The following ARID4B variants were observed in gnomAD, a reference collection of about 807,000 sequenced individuals.
ARID4B encodes AT-rich interactive domain-containing protein 4B.
ARID4B carries 26 observed loss-of-function variants against 147.5 expected under a neutral mutation model. The ratio of observed to expected loss-of-function variants is 0.18; its 90% confidence interval spans 0.13 to 0.24. The LOEUF (loss-of-function observed/expected upper bound fraction) is 0.24. Ranked by LOEUF, ARID4B falls within the 10% of genes least tolerant of loss-of-function variation. ARID4B has a pLI of 1.00. For synonymous variants in ARID4B, 512 were observed against 507.9 expected (o/e 1.01, Z -0.11); for missense variants, 1,179 against 1,511.5 (o/e 0.78, Z 3.65).
At chr1:235,304,858 C>A (rs1449304050) in intron 2 of ARID4B, among the ~76,000 whole-genome samples, 1 of 152,144 alleles carries the variant, frequency 6.6e-6, no homozygotes, top group East Asian at 1.9e-4. Flanking sequence ...CATAAAATTC[C>A]TTTGTGGTAA....
At chr1:235,174,005 C>T (rs747078980) in intron 22 of ARID4B, among the ~76,000 whole-genome samples, 2 of 150,750 alleles carry the variant, frequency 1.3e-5, no homozygotes, top group Non-Finnish European at 3.0e-5. Flanking sequence ...ACACCAGATA[C>T]TTTTAAATCA....
At chr1:235,237,979 T>TG (rs1306625617) in intron 8 of ARID4B, among the ~76,000 whole-genome samples, 1 of 151,766 alleles carries the variant, frequency 6.6e-6, no homozygotes, top group Non-Finnish European at 1.5e-5. Context: ...GGAGAAACGC[T>TG]GTCTCTACTA....
Position 235,229,872 on chromosome 1 carries a change from A to C in ARID4B, c.743-487T>G, listed in dbSNP as rs774847314. Among the ~76,000 whole-genome samples, 29 of 152,376 alleles carry C rather than the reference A, an allele frequency of 1.9e-4. 1 individual carries two copies. Among genetic ancestry groups the C allele is most frequent in the South Asian group, 1.7e-3 (8 of 4,828 alleles). On this transcript the variant is annotated intron_variant, in intron 10 of 23. Coordinates refer to ENST00000264183, the MANE Select transcript of ARID4B (RefSeq NM_016374.6). Reference sequence around the variant, plus strand: ...ATGGTAACAATTACCTTCAACTAAAATTAGCTAGACACAATTATTCTCATT... The same window carrying C: ...ATGGTAACAATTACCTTCAACTAAACTTAGCTAGACACAATTATTCTCATT...
At chr1:235,172,223 T>C (rs1351411135) in intron 23 of ARID4B, among the ~76,000 whole-genome samples, 1 of 152,138 alleles carries the variant, frequency 6.6e-6, no homozygotes, top group African/African-American at 2.4e-5. Context: ...TGCCTGAAAA[T>C]AGACAAAGTC....
At position 235,199,996 on chromosome 1, in the gene ARID4B, G is replaced by T. The variant is rs555628185; in HGVS notation, c.1842-3881C>A. 2.5e-5 allele frequency among the ~76,000 whole-genome samples: 3 copies of T among 120,586 alleles called. No homozygotes were observed. The East Asian group carries it at 6.8e-4, about 27-fold the overall frequency. The allele number at this position is 120,586 out of a possible 152,430, so 79.1% of individuals were successfully genotyped here. ...ATTTTCTCTACAGGATATTTTCAAAGAATAGGGAAAAAAAAAAAAAAAAGC... is the reference window on the plus strand; with the variant it reads ...ATTTTCTCTACAGGATATTTTCAAATAATAGGGAAAAAAAAAAAAAAAAGC... On this transcript the variant is annotated intron_variant, in intron 17 of 23. Coordinates refer to ENST00000264183, the MANE Select transcript of ARID4B (RefSeq NM_016374.6).
chr1:235,196,112 G>A lies in ARID4B; in HGVS notation c.1845C>T (p.Tyr615=), dbSNP rs748996521. ...TTTTATCTGCTTTAATCCATTCATC[G>A]TATCTAAAATTAAAGGAAATTAATA... is the stretch of plus-strand genomic sequence containing the variant. ...LVHYCGWNVR[Y]DEWIKADKIV... The change falls in exon 18 of 24, where the codon TAC becomes TAT. Residue 615 remains tyrosine (Y), a synonymous_variant. Transcript: ENST00000264183. The A allele has an allele frequency of 2.0e-5, 30 of 1,527,102 alleles. No homozygotes were observed. Among genetic ancestry groups the A allele is most frequent in the African/African-American group, 5.6e-5 (4 of 71,728 alleles). The allele number at this position is 1,527,102 out of a possible 1,614,324, so 94.6% of individuals were successfully genotyped here.
In ARID4B at chr1:235,231,360, G is replaced by T. The variant is rs142214135; in HGVS notation, c.666-171C>A. 4.9e-3 allele frequency among the ~76,000 whole-genome samples: 749 copies of T among 152,242 alleles called. 7 individuals are homozygous for T. Among genetic ancestry groups the T allele is most frequent in the African/African-American group, 0.017 (702 of 41,534 alleles). On this transcript the variant is annotated intron_variant, in intron 9 of 23. Coordinates refer to ENST00000264183, the MANE Select transcript of ARID4B (RefSeq NM_016374.6). The stretch of plus-strand genomic sequence containing the variant: ...GTAGCAAGTCAGAAATAACATACAA[G>T]ACAGGATGTTAAAATACGTAATCAT...
intron 17 of ARID4B, among the ~76,000 whole-genome samples, chr1:235,199,843 G>T (rs1470048085): frequency 1.3e-5 from 2 of 152,072 alleles, no homozygotes; most frequent in African/African-American, 4.8e-5. Context: ...TTGTCTGATA[G>T]ATCTTACAAG....
At chr1:235,217,664 T>C (rs1667189835) in intron 16 of ARID4B, among the ~76,000 whole-genome samples, 1 of 152,210 alleles carries the variant, frequency 6.6e-6, no homozygotes, top group South Asian at 2.1e-4. Context: ...CTAGACATTT[T>C]ACATATATCA....
intron 14 of ARID4B, 86 bp from the exon 15 acceptor site, chr1:235,220,631 T>C (rs1269539367): frequency 7.5e-6 from 8 of 1,066,276 alleles, no homozygotes; most frequent in Non-Finnish European, 1.0e-5. Context: ...TCATTTCTTT[T>C]GTCTAAACTC....
At chr1:235,169,953 C>T (rs568050640) in intron 23 of ARID4B, among the ~76,000 whole-genome samples, 16 of 152,120 alleles carry the variant, frequency 1.1e-4, no homozygotes, top group Non-Finnish European at 2.1e-4. Context: ...TGAGCAATTG[C>T]GCCCGGCCTC....
Position 235,175,397 on chromosome 1 carries a change from T to A in ARID4B, c.3451A>T (p.Asn1151Tyr). Reference sequence around the variant, plus strand: ...GAAAGTTCTTCACTATCACTACTATTTGCTGAAAGAGAAAGAAAAGATTTA... The same window carrying A: ...GAAAGTTCTTCACTATCACTACTATATGCTGAAAGAGAAAGAAAAGATTTA... ...VNNKKKGKGT[N>Y]SSDSEELSAG... The change falls in exon 22 of 24, where the codon AAT (asparagine) becomes TAT (tyrosine). Residue 1151 changes from asparagine to tyrosine, a missense_variant and splice_region_variant. Around this residue, in one of 10 missense-constraint regions of ARID4B, gnomAD observed 357 missense variants for 427.3 expected, o/e 0.84. Coordinates refer to ENST00000264183, the MANE Select transcript of ARID4B (RefSeq NM_016374.6). 6.2e-7 allele frequency: 1 copy of A among 1,604,818 alleles called. No homozygotes were observed. The highest frequency in any genetic ancestry group is 8.5e-7 in the Non-Finnish European group (1 of 1,174,132).
chr1:235,187,280 C>T (rs1259858494), intron 19 of ARID4B, among the ~76,000 whole-genome samples: 1 of 151,212 alleles, frequency 6.6e-6, no homozygotes, highest in Admixed American at 6.6e-5. Context: ...GACGAGGTTT[C>T]TCCCTGTTGG....
At chr1:235,173,066 C>A (rs1466508617) in intron 22 of ARID4B, among the ~76,000 whole-genome samples, 1 of 152,124 alleles carries the variant, frequency 6.6e-6, no homozygotes, top group Non-Finnish European at 1.5e-5. Flanking sequence ...AAAACTGGGG[C>A]TGGGCACGGT....
intron 2 of ARID4B, among the ~76,000 whole-genome samples, chr1:235,276,725 C>T (rs1183774362): frequency 6.6e-6 from 1 of 152,048 alleles, no homozygotes; most frequent in East Asian, 1.9e-4. Flanking sequence ...TGGCCAGGCG[C>T]GGTGGCTCAT....
chr1:235,257,343 C>T, intron 3 of ARID4B, 118 bp from the exon 4 acceptor site: 1 of 666,560 alleles, frequency 1.5e-6, no homozygotes, highest in Non-Finnish European at 2.6e-6. Flanking sequence ...CTAGTTTATA[C>T]AACATCCCAA....
chr1:235,209,818 C>T (rs889323132), intron 17 of ARID4B, among the ~76,000 whole-genome samples: 1 of 152,058 alleles, frequency 6.6e-6, no homozygotes, highest in African/African-American at 2.4e-5. Flanking sequence ...CCCGCCTCGG[C>T]CTCCCAAAGT....
intron 7 of ARID4B, among the ~76,000 whole-genome samples, chr1:235,244,321 G>A (rs1374867389): frequency 6.6e-6 from 1 of 152,104 alleles, no homozygotes; most frequent in Non-Finnish European, 1.5e-5. Flanking sequence ...CAGATTATGG[G>A]AAAACAACTT....
intron 2 of ARID4B, among the ~76,000 whole-genome samples, chr1:235,289,908 TA>T (rs1672221389): frequency 6.6e-6 from 1 of 152,046 alleles, no homozygotes; most frequent in Admixed American, 6.6e-5. Context: ...CACGCATCCA[TA>T]GTTTCAACTA....
Sources: allele counts gnomAD v4.1 joint callset (sites outside exome capture counted in the v4.1 genomes callset), GRCh38; gene constraint gnomAD v4.1.1; regional missense constraint gnomAD v4.1.1; transcripts MANE v1.5; gene names NCBI Gene and HGNC (gene_info 2026-07-23, HGNC 2026-07-21).